GPC5: variants seen among roughly 807,000 people sequenced by gnomAD.
GPC5 encodes glypican-5.
Under a neutral mutation model 53.9 loss-of-function variants are expected in GPC5, and 47 were observed. That is an observed-to-expected ratio of 0.87 (90% CI 0.69 to 1.11). The LOEUF is 1.11. Among genes scored for constraint, GPC5 ranks in the 50% most tolerant of loss-of-function variants. GPC5 has a pLI of 0.00. For synonymous variants in GPC5, 286 were observed against 263.3 expected, an observed-to-expected ratio of 1.09 and a Z score of -0.84; for missense variants, 748 against 713.1, an observed-to-expected ratio of 1.05 and a Z score of -0.56.
At chr13:91,640,971 T>C (rs965694603) in intron 2 of GPC5, among the ~76,000 whole-genome samples, 2 of 152,136 alleles carry the variant, frequency 1.3e-5, no homozygotes, top group African/African-American at 4.8e-5. Context: ...GATCATGTCC[T>C]TTGCAGGGAC....
intron 7 of GPC5, among the ~76,000 whole-genome samples, chr13:92,342,759 T>A (rs1055963000): frequency 6.6e-6 from 1 of 152,252 alleles, no homozygotes; most frequent in Non-Finnish European, 1.5e-5. Context: ...ATTAAAAAAC[T>A]TTCATTAATT....
intron 7 of GPC5, among the ~76,000 whole-genome samples, chr13:92,322,019 A>T (rs1440235220): frequency 6.6e-6 from 1 of 152,210 alleles, no homozygotes; most frequent in Non-Finnish European, 1.5e-5. Context: ...ACAAAAATTT[A>T]TGTAATGCAT....
At chr13:91,420,739 A>G (rs1878559837) in intron 1 of GPC5, among the ~76,000 whole-genome samples, 1 of 152,262 alleles carries the variant, frequency 6.6e-6, no homozygotes, top group Non-Finnish European at 1.5e-5. Context: ...TGCTATAGAG[A>G]TAGTGAGTGA....
chr13:91,847,488 G>A (rs1401489847), intron 5 of GPC5, among the ~76,000 whole-genome samples: 1 of 152,040 alleles, frequency 6.6e-6, no homozygotes, highest in African/African-American at 2.4e-5. Flanking sequence ...GGCATGGTTT[G>A]CTCCCTCTCA....
At chr13:92,757,247 A>G (rs1454550598) in intron 7 of GPC5, among the ~76,000 whole-genome samples, 1 of 152,238 alleles carries the variant, frequency 6.6e-6, no homozygotes, top group African/African-American at 2.4e-5. Context: ...TTCGTATTTA[A>G]TAAATGGTGC....
In GPC5 at chr13:91,927,554, T is replaced by C. The variant is rs773296346; in HGVS notation, c.1401+19497T>C. Among the ~76,000 whole-genome samples the C allele has an allele frequency of 9.9e-5, 15 of 152,200 alleles. 1 individual carries two copies. The highest frequency in any genetic ancestry group is 1.5e-4 in the Non-Finnish European group (10 of 68,020). On this transcript the variant is annotated intron_variant, in intron 6 of 7. Transcript: ENST00000377067. Reference sequence around the variant, plus strand: ...TTAGAATATTTGCAGTCTATGGCAATTATCTGTAGCAACTTTTTTTTTGTC... The same window carrying C: ...TTAGAATATTTGCAGTCTATGGCAACTATCTGTAGCAACTTTTTTTTTGTC...
chr13:91,710,679 G>A (rs1481950405), intron 3 of GPC5, among the ~76,000 whole-genome samples: 1 of 152,160 alleles, frequency 6.6e-6, no homozygotes, highest in Non-Finnish European at 1.5e-5. Flanking sequence ...GGCAGCCCAA[G>A]CTGCCCAGGG....
chr13:91,558,822 G>A (rs776971477), intron 2 of GPC5, among the ~76,000 whole-genome samples: 1 of 151,654 alleles, frequency 6.6e-6, no homozygotes, highest in Non-Finnish European at 1.5e-5. Context: ...CTCCAGTGAG[G>A]TCTGGATCTC....
At chr13:91,910,961 G>T (rs1031043954) in intron 6 of GPC5, among the ~76,000 whole-genome samples, 4 of 151,948 alleles carry the variant, frequency 2.6e-5, no homozygotes, top group African/African-American at 7.3e-5. Context: ...AGAAGAATGT[G>T]CTGGTGGAGG....
At chr13:92,764,394 A>T (rs1570973) in intron 7 of GPC5, among the ~76,000 whole-genome samples, 6,839 of 152,320 alleles carry the variant, frequency 0.045, 210 homozygotes, top group South Asian at 0.1. Flanking sequence ...CAGTAGCTGT[A>T]TGGCTCATGG....
intron 7 of GPC5, among the ~76,000 whole-genome samples, chr13:92,160,068 A>G (rs1331962793): frequency 1.3e-5 from 2 of 151,932 alleles, no homozygotes; most frequent in Non-Finnish European, 2.9e-5. Flanking sequence ...ACACTGGGCT[A>G]ATTTTTGCAT....
intron 7 of GPC5, among the ~76,000 whole-genome samples, chr13:92,822,644 T>A (rs1294065291): frequency 1.3e-5 from 2 of 152,072 alleles, no homozygotes; most frequent in Non-Finnish European, 2.9e-5. Flanking sequence ...GGACATAAAA[T>A]GGGAGTTAAA....
chr13:91,943,989 A>G (rs1330284202), intron 6 of GPC5, among the ~76,000 whole-genome samples: 5 of 152,128 alleles, frequency 3.3e-5, no homozygotes, highest in African/African-American at 1.2e-4. Context: ...GTTCCCCACA[A>G]TGAGTGGCAA....
chr13:92,257,213 C>T (rs1392071079), intron 7 of GPC5, among the ~76,000 whole-genome samples: 1 of 152,038 alleles, frequency 6.6e-6, no homozygotes, highest in Non-Finnish European at 1.5e-5. Flanking sequence ...ATATGATAGG[C>T]AATATCTGTT....
intron 5 of GPC5, among the ~76,000 whole-genome samples, chr13:91,818,766 G>A (rs73607687): frequency 0.028 from 4,261 of 152,164 alleles, 205 homozygotes; most frequent in African/African-American, 0.097. Flanking sequence ...ATGCAAAACC[G>A]TAACAAGACA....
intron 7 of GPC5, among the ~76,000 whole-genome samples, chr13:92,220,237 G>A (rs1424540245): frequency 6.6e-6 from 1 of 151,894 alleles, no homozygotes; most frequent in South Asian, 2.1e-4. Flanking sequence ...ACTCTTCTGG[G>A]TACTGGATAT....
chr13:91,654,770 G>T (rs1277333379), intron 2 of GPC5, among the ~76,000 whole-genome samples: 1 of 152,066 alleles, frequency 6.6e-6, no homozygotes, highest in African/African-American at 2.4e-5. Flanking sequence ...TTTCTTTATT[G>T]CTTGGGTGTT....
intron 1 of GPC5, among the ~76,000 whole-genome samples, chr13:91,400,842 G>A (rs768993773): frequency 3.3e-5 from 5 of 152,202 alleles, no homozygotes; most frequent in Admixed American, 6.5e-5. Flanking sequence ...CACTGAGACA[G>A]TGTCTTACCA....
At chr13:92,534,133 T>C (rs906539660) in intron 7 of GPC5, among the ~76,000 whole-genome samples, 3 of 151,970 alleles carry the variant, frequency 2.0e-5, no homozygotes, top group Non-Finnish European at 4.4e-5. Context: ...TAAAAAAGTT[T>C]TAAAAAAATA....
Sources: allele counts gnomAD v4.1 joint callset (sites outside exome capture counted in the v4.1 genomes callset), GRCh38; gene constraint gnomAD v4.1.1; transcripts MANE v1.5; gene names NCBI Gene and HGNC (gene_info 2026-07-23, HGNC 2026-07-21).